CABP1: variants seen among roughly 807,000 people sequenced by gnomAD.
CABP1 encodes calcium binding protein 1.
CABP1 carries 17 observed loss-of-function variants against 34.3 expected under a neutral mutation model. That is an observed-to-expected ratio of 0.50 (90% CI 0.34 to 0.74). The LOEUF (loss-of-function observed/expected upper bound fraction) is 0.74, where lower values mean the gene tolerates loss of function less well. CABP1 is among the 30% of genes least tolerant of loss of function. The pLI is 0.01. For synonymous variants in CABP1, 198 were observed against 229.2 expected, an observed-to-expected ratio of 0.86 and a Z score of 1.23; for missense variants, 373 against 511.1, an observed-to-expected ratio of 0.73 and a Z score of 2.61.
intron 1 of CABP1, among the ~76,000 whole-genome samples, chr12:120,643,132 G>T (rs529367915): frequency 6.6e-6 from 1 of 151,872 alleles, no homozygotes; most frequent in Admixed American, 6.6e-5. Context: ...TGAATTCTCC[G>T]GCCCAATGTT....
At position 120,661,870 on chromosome 12, in the gene CABP1, A is replaced by G. The variant is rs1274596044; in HGVS notation, c.1087+652A>G. 2.6e-5 allele frequency: 4 copies of G among 152,928 alleles called. No individual in the cohort carries two copies. Among genetic ancestry groups the G allele is most frequent in the Non-Finnish European group, 5.8e-5 (4 of 68,552 alleles). 9.5% of individuals were successfully genotyped at this position (152,928 alleles called of 1,614,324 possible). A position where few individuals can be genotyped will look rare whatever the true frequency, so the allele number is the denominator to read the frequency against. The stretch of plus-strand genomic sequence containing the variant: ...CCTATAGCAATTTATCCATGCATTT[A>G]TCTGTCCATTCGTGCATCTATTCAT... On this transcript the variant is annotated intron_variant, in intron 5 of 5. Coordinates refer to ENST00000316803, the MANE Select transcript of CABP1 (RefSeq NM_001033677.2). The surrounding 1 kb of genome is among the most constrained non-coding windows in gnomAD (Gnocchi z 5.1).
chr12:120,664,102 G>T (rs1190040022), intron 5 of CABP1, among the ~76,000 whole-genome samples: 1 of 152,174 alleles, frequency 6.6e-6, no homozygotes, highest in Non-Finnish European at 1.5e-5. Context: ...TCCAGGTAGC[G>T]CCCACCACAG....
downstream of CABP1, among the ~76,000 whole-genome samples, chr12:120,671,457 C>T (rs750487706): frequency 2.0e-5 from 3 of 152,022 alleles, no homozygotes; most frequent in Non-Finnish European, 2.9e-5. Context: ...AGAGTGTGGC[C>T]CTTTTGGGAA....
chr12:120,670,314 G>T (rs1460637986), downstream of CABP1, among the ~76,000 whole-genome samples: 2 of 152,148 alleles, frequency 1.3e-5, no homozygotes, highest in Admixed American at 6.5e-5. Context: ...ATATTTTGGG[G>T]TTCCTAGTAT....
At chr12:120,656,045 G>T in intron 1 of CABP1, 1 of 1,612,802 alleles carries the variant, frequency 6.2e-7, no homozygotes. Context: ...GCTGGGCAGG[G>T]AGGTGACACC....
At chr12:120,666,825 G>T (rs780213777) in intron 5 of CABP1, 50 bp from the exon 6 acceptor site, 3 of 1,575,618 alleles carry the variant, frequency 1.9e-6, no homozygotes, top group South Asian at 2.3e-5. Context: ...AGCAACCTGG[G>T]GAGGCCTCTG....
intron 1 of CABP1, among the ~76,000 whole-genome samples, chr12:120,643,045 C>G (rs948651851): frequency 6.8e-6 from 1 of 147,194 alleles, no homozygotes; most frequent in Non-Finnish European, 1.5e-5. Flanking sequence ...CAGAATTTGC[C>G]TACATGAGCC....
At chr12:120,649,754 A>G (rs1390247168) in intron 1 of CABP1, among the ~76,000 whole-genome samples, 1 of 152,124 alleles carries the variant, frequency 6.6e-6, no homozygotes, top group African/African-American at 2.4e-5. Flanking sequence ...ACAGAGCAGA[A>G]GGATCTGATC....
chr12:120,670,878 A>T (rs1042300452), downstream of CABP1, among the ~76,000 whole-genome samples: 3 of 152,144 alleles, frequency 2.0e-5, no homozygotes, highest in African/African-American at 7.2e-5. Flanking sequence ...TTGAGCTCCT[A>T]CTATGTGCCA....
At chr12:120,646,782 G>A (rs966426839) in intron 1 of CABP1, among the ~76,000 whole-genome samples, 18 of 152,140 alleles carry the variant, frequency 1.2e-4, no homozygotes, top group Non-Finnish European at 2.9e-5. Context: ...TGAAGTGCTG[G>A]GATTACAGGC....
At chr12:120,642,329 T>C (rs1225810393) in intron 1 of CABP1, among the ~76,000 whole-genome samples, 1 of 152,146 alleles carries the variant, frequency 6.6e-6, no homozygotes, top group African/African-American at 2.4e-5. Context: ...TGTGCTGAGA[T>C]CTAGCATAAA....
At chr12:120,659,570 C>T (rs566959947) in intron 1 of CABP1, 1 of 313,538 alleles carries the variant, frequency 3.2e-6, no homozygotes, top group South Asian at 6.7e-5. Flanking sequence ...TAGCTCACTA[C>T]AGCCTCAAAC....
At chr12:120,656,183 A>T (rs148736778) in intron 1 of CABP1, 13 of 1,613,554 alleles carry the variant, frequency 8.1e-6, no homozygotes, top group African/African-American at 4.0e-5. Flanking sequence ...ACCGCTCCTG[A>T]TGCTGGCCCA....
chr12:120,672,332 C>A, the CABP1 span, among the ~76,000 whole-genome samples: 1 of 151,900 alleles, frequency 6.6e-6, no homozygotes, highest in African/African-American at 2.4e-5. Flanking sequence ...AAGCAAATTA[C>A]AAGAAAAAGA....
chr12:120,679,083 A>AAC, the CABP1 span, among the ~76,000 whole-genome samples: 1 of 151,570 alleles, frequency 6.6e-6, no homozygotes, highest in African/African-American at 2.4e-5. Context: ...CAAAAAAAAA[A>AAC]AAAAAAAAAA....
At chr12:120,644,407 GTCAAAGGATCT>G (rs1879460089) in intron 1 of CABP1, among the ~76,000 whole-genome samples, 1 of 152,198 alleles carries the variant, frequency 6.6e-6, no homozygotes, top group Admixed American at 6.5e-5. Context: ...GGAGCTGAAT[GTCAAAGGATCT>G]TCCGTACTCC....
chr12:120,663,984 C>G (rs1314246634), intron 5 of CABP1, among the ~76,000 whole-genome samples: 2 of 152,228 alleles, frequency 1.3e-5, no homozygotes, highest in African/African-American at 4.8e-5. Flanking sequence ...AACACAAAGG[C>G]TGGGAGGTTT....
In CABP1 at chr12:120,649,199, A is replaced by G. The variant is rs534837277; in HGVS notation, c.654+7860A>G. On this transcript the variant is annotated intron_variant, in intron 1 of 5. Transcript: ENST00000316803. Reference sequence around the variant, plus strand: ...CCAGGGACCTCCTTCCCAGCTCCCTAGGAGTGAGCACCCTCTGGGCAGCGC... The same window carrying G: ...CCAGGGACCTCCTTCCCAGCTCCCTGGGAGTGAGCACCCTCTGGGCAGCGC... Among the ~76,000 whole-genome samples, 4 of 152,274 alleles carry G rather than the reference A, an allele frequency of 2.6e-5. No individual in the cohort carries two copies. The South Asian group carries it at 8.3e-4, about 32-fold the overall frequency.
intron 1 of CABP1, among the ~76,000 whole-genome samples, chr12:120,643,446 C>G (rs1445279467): frequency 2.0e-5 from 3 of 152,164 alleles, no homozygotes; most frequent in African/African-American, 7.2e-5. Context: ...CAAGAGAAGG[C>G]AGATGGGGTT....
Sources: allele counts gnomAD v4.1 joint callset (sites outside exome capture counted in the v4.1 genomes callset), GRCh38; gene constraint gnomAD v4.1.1; non-coding constraint Gnocchi (gnomAD v3.1); transcripts MANE v1.5; gene names NCBI Gene and HGNC (gene_info 2026-07-23, HGNC 2026-07-21).